The following LRRTM4 variants were observed in gnomAD, a reference collection of about 807,000 sequenced individuals.
The protein encoded by LRRTM4 is leucine rich repeat transmembrane neuronal 4, also known as leucine-rich repeat transmembrane neuronal protein 4.
Under a neutral mutation model 47.6 loss-of-function variants are expected in LRRTM4, and 25 were observed. That is an observed-to-expected ratio of 0.53 (90% CI 0.38 to 0.73). The LOEUF is 0.73. LRRTM4 is among the 30% of genes least tolerant of loss of function. LRRTM4 has a pLI of 0.00. For missense variants in LRRTM4, 638 were observed against 713.4 expected (o/e 0.89, Z 1.20); for synonymous variants, 311 against 269.5 (o/e 1.15, Z -1.51).
intron 3 of LRRTM4, among the ~76,000 whole-genome samples, chr2:77,181,077 TATA>T (rs1487361851): frequency 2.0e-5 from 3 of 152,084 alleles, no homozygotes; most frequent in Non-Finnish European, 2.9e-5. Flanking sequence ...ACCAAAGAAA[TATA>T]ATAATGAGTA....
intron 3 of LRRTM4, among the ~76,000 whole-genome samples, chr2:77,011,163 G>C (rs761366409): frequency 6.6e-6 from 1 of 151,890 alleles, no homozygotes; most frequent in Non-Finnish European, 1.5e-5. Flanking sequence ...AAAAGAAAGA[G>C]ATAAAAATAG....
At chr2:76,894,719 C>T (rs531411744) in intron 3 of LRRTM4, among the ~76,000 whole-genome samples, 19 of 151,894 alleles carry the variant, frequency 1.3e-4, no homozygotes, top group Non-Finnish European at 2.2e-4. Flanking sequence ...GGCTATTCAA[C>T]CCTGGAAAAC....
intron 3 of LRRTM4, among the ~76,000 whole-genome samples, chr2:76,973,522 G>C (rs904510334): frequency 6.6e-6 from 1 of 151,860 alleles, no homozygotes; most frequent in Admixed American, 6.6e-5. Context: ...CAGATGAAAA[G>C]AACTCTTCTT....
intron 3 of LRRTM4, among the ~76,000 whole-genome samples, chr2:77,228,941 A>G (rs1189835774): frequency 6.6e-6 from 1 of 152,090 alleles, no homozygotes; most frequent in African/African-American, 2.4e-5. Flanking sequence ...CTCTTTGACC[A>G]TATGACCCCT....
At chr2:77,251,234 G>GGT (rs200379316) in intron 3 of LRRTM4, among the ~76,000 whole-genome samples, 44 of 64,332 alleles carry the variant, frequency 6.8e-4, no homozygotes, top group South Asian at 2.4e-3. Flanking sequence ...TATACATATA[G>GGT]GTGTGTGTGT....
intron 3 of LRRTM4, among the ~76,000 whole-genome samples, chr2:77,057,345 G>A (rs1679642712): frequency 6.6e-6 from 1 of 152,070 alleles, no homozygotes; most frequent in African/African-American, 2.4e-5. Flanking sequence ...CAGTATAATA[G>A]GTACTTATCA....
At chr2:76,787,532 CAG>C (rs996192917) in intron 3 of LRRTM4, among the ~76,000 whole-genome samples, 7 of 150,466 alleles carry the variant, frequency 4.7e-5, no homozygotes, top group Admixed American at 1.3e-4. Flanking sequence ...AGGTTAAAAA[CAG>C]GGAAAGGAAA....
At chr2:76,882,180 T>C (rs1390739126) in intron 3 of LRRTM4, among the ~76,000 whole-genome samples, 1 of 152,162 alleles carries the variant, frequency 6.6e-6, no homozygotes. Context: ...TACTAAGTGA[T>C]GTCTATATAA....
intron 3 of LRRTM4, among the ~76,000 whole-genome samples, chr2:76,920,414 T>C (rs987726287): frequency 6.6e-6 from 1 of 152,120 alleles, no homozygotes; most frequent in Non-Finnish European, 1.5e-5. Flanking sequence ...GGCTTGAATG[T>C]TTGGTTTTGA....
In LRRTM4 at chr2:76,927,418, A is replaced by G. The variant is rs1339402147; in HGVS notation, c.1552-178502T>C. Among the ~76,000 whole-genome samples the G allele has an allele frequency of 4.6e-5, 7 of 152,258 alleles. No homozygotes were observed. In the South Asian group the frequency reaches 8.3e-4, roughly 18 times the overall value. ...TAAACTTTTGTTCTTCCTGATAACC[A>G]TGATTCTTACAGGTCAAGTGTGAGA... On this transcript the variant is annotated intron_variant, in intron 3 of 3. Transcript: ENST00000409884.
At chr2:77,181,526 A>C (rs1046127248) in intron 3 of LRRTM4, among the ~76,000 whole-genome samples, 2 of 152,306 alleles carry the variant, frequency 1.3e-5, no homozygotes, top group African/African-American at 4.8e-5. Flanking sequence ...CAATACAACA[A>C]AAAAGGAATA....
rs200970085 is a variant in LRRTM4 at position 77,227,529 on chromosome 2, AT to A, written c.1551+290788del. ...GCAATTAATCAAGGAGTTTGGTTGTATTTTTTTTCAAAATCACAAAGACAAA... is the reference window on the plus strand; with the variant it reads ...GCAATTAATCAAGGAGTTTGGTTGTATTTTTTTCAAAATCACAAAGACAAA... On this transcript the variant is annotated intron_variant, in intron 3 of 3. Coordinates refer to ENST00000409884, the MANE Select transcript of LRRTM4 (RefSeq NM_001134745.3). Among the ~76,000 whole-genome samples, 777 of 151,890 alleles carry A rather than the reference AT, an allele frequency of 5.1e-3. 7 individuals carry two copies. The highest frequency in any genetic ancestry group is 0.018 in the African/African-American group (752 of 41,436).
At chr2:77,075,271 C>G (rs1573534539) in intron 3 of LRRTM4, among the ~76,000 whole-genome samples, 2 of 152,118 alleles carry the variant, frequency 1.3e-5, no homozygotes, top group Admixed American at 1.3e-4. Context: ...AATTATTTGA[C>G]TATTATTTCT....
At chr2:77,094,079 T>A (rs1199346773) in intron 3 of LRRTM4, among the ~76,000 whole-genome samples, 3 of 151,958 alleles carry the variant, frequency 2.0e-5, no homozygotes, top group Non-Finnish European at 4.4e-5. Flanking sequence ...CCTAACAACT[T>A]CACAGAAAAC....
chr2:77,150,914 T>A (rs1456800936), intron 3 of LRRTM4, among the ~76,000 whole-genome samples: 3 of 152,176 alleles, frequency 2.0e-5, no homozygotes, highest in Non-Finnish European at 4.4e-5. Flanking sequence ...TAATTTAAAA[T>A]TAGTTTTCTT....
chr2:76,965,115 T>A (rs908267685), intron 3 of LRRTM4, among the ~76,000 whole-genome samples: 1 of 151,118 alleles, frequency 6.6e-6, no homozygotes, highest in African/African-American at 2.4e-5. Flanking sequence ...CTACCAAATA[T>A]TTAAGTAGGA....
intron 3 of LRRTM4, among the ~76,000 whole-genome samples, chr2:77,329,697 C>T (rs557184223): frequency 3.9e-5 from 6 of 152,084 alleles, no homozygotes; most frequent in Non-Finnish European, 4.4e-5. Context: ...CCACAAATGC[C>T]TGCCACCAGC....
intron 3 of LRRTM4, among the ~76,000 whole-genome samples, chr2:77,070,616 AT>A (rs892890918): frequency 6.6e-6 from 1 of 151,742 alleles, no homozygotes; most frequent in African/African-American, 2.4e-5. Context: ...TATAAAGTTG[AT>A]TTTTTTGTTT....
intron 3 of LRRTM4, among the ~76,000 whole-genome samples, chr2:77,251,889 G>A (rs1486390147): frequency 6.6e-6 from 1 of 152,088 alleles, no homozygotes; most frequent in Admixed American, 6.6e-5. Context: ...TATTTGGGTG[G>A]GTGGTGGTGA....
Sources: allele counts gnomAD v4.1 joint callset (sites outside exome capture counted in the v4.1 genomes callset), GRCh38; gene constraint gnomAD v4.1.1; transcripts MANE v1.5; gene names NCBI Gene and HGNC (gene_info 2026-07-23, HGNC 2026-07-21).